NCAPG2: variants seen among roughly 807,000 people sequenced by gnomAD.
NCAPG2 encodes the protein non-SMC condensin II complex subunit G2.
Under a neutral mutation model 141.1 loss-of-function variants are expected in NCAPG2, and 53 were observed. The ratio of observed to expected loss-of-function variants is 0.38; its 90% CI spans 0.30 to 0.47. The LOEUF (loss-of-function observed/expected upper bound fraction) is 0.47. Ranked by LOEUF, NCAPG2 falls within the 20% of genes least tolerant of loss-of-function variation. The probability of loss-of-function intolerance (pLI) is 0.99; values close to 1 mark genes in which losing one functional copy is unlikely to be tolerated. For synonymous variants in NCAPG2, 499 were observed against 490.7 expected (o/e 1.02, Z -0.22); for missense variants, 1,087 against 1,389.0 (o/e 0.78, Z 3.46).
rs1350247201 is a variant in NCAPG2, at chr7:158,658,381, T to C, written c.2017A>G (p.Met673Val). 4 of 1,612,216 alleles carry C rather than the reference T, an allele frequency of 2.5e-6. No homozygotes were observed. The African/African-American group carries it at 4.0e-5, about 16-fold the overall frequency. The change falls in exon 17 of 28, where the codon ATG (methionine) becomes GTG (valine). Residue 673 changes from methionine to valine, a missense_variant. Transcript: ENST00000356309. ...GAGGCCGGCATAAAGGACATTAGCA[T>C]GAATAAAGGGATCTTGCAGCGATCA... ...KDDRCKIPLF[M>V]LMSFMPASAV...
At chr7:158,680,938 C>T in intron 9 of NCAPG2, 122 bp from the exon 10 acceptor site, 2 of 635,078 alleles carry the variant, frequency 3.1e-6, no homozygotes, top group Non-Finnish European at 5.2e-6. Flanking sequence ...CTCTGGCTGG[C>T]ATCCACATGT....
chr7:158,639,534 G>T (rs1321768268), intron 27 of NCAPG2, among the ~76,000 whole-genome samples: 1 of 152,214 alleles, frequency 6.6e-6, no homozygotes, highest in African/African-American at 2.4e-5. Context: ...AAGCCATTTT[G>T]TTAATAAATT....
intron 27 of NCAPG2, among the ~76,000 whole-genome samples, 173 bp downstream of exon 27, chr7:158,644,116 T>C (rs1209366757): frequency 6.6e-6 from 1 of 152,220 alleles, no homozygotes; most frequent in East Asian, 1.9e-4. Flanking sequence ...AATTAGCAAG[T>C]AAATTAAACG....
intron 12 of NCAPG2, among the ~76,000 whole-genome samples, chr7:158,673,260 T>C (rs1347583190): frequency 1.3e-5 from 2 of 152,142 alleles, no homozygotes; most frequent in African/African-American, 4.8e-5. Context: ...AATAAAACTC[T>C]TGGATGGCAG....
intron 12 of NCAPG2, 149 bp downstream of exon 12, chr7:158,675,328 T>C (rs1180182250): frequency 9.7e-6 from 9 of 927,286 alleles, no homozygotes; most frequent in Admixed American, 3.7e-5. Flanking sequence ...AATTTGGTTT[T>C]TAAAAACCTT....
intron 24 of NCAPG2, 139 bp from the exon 25 acceptor site, chr7:158,646,702 TG>T: frequency 1.7e-6 from 1 of 596,942 alleles, no homozygotes; most frequent in Non-Finnish European, 2.9e-6. Context: ...ACTGTTGAAA[TG>T]TCTACAATAA....
At chr7:158,677,295 C>T (rs1006743307) in intron 11 of NCAPG2, among the ~76,000 whole-genome samples, 2 of 151,836 alleles carry the variant, frequency 1.3e-5, no homozygotes, top group Admixed American at 6.6e-5. Flanking sequence ...ACTTGGGTAC[C>T]GAGGGGTCAC....
In NCAPG2 at chr7:158,633,116, A is replaced by G. The variant is rs1365552655; in HGVS notation, c.3381-1399T>C. Among the ~76,000 whole-genome samples the G allele has an allele frequency of 6.6e-6, 1 of 152,100 alleles. No individual in the cohort carries two copies. The highest frequency in any genetic ancestry group is 1.5e-5 in the Non-Finnish European group (1 of 68,012). On this transcript the variant is annotated intron_variant, in intron 27 of 27. Coordinates refer to ENST00000356309, the MANE Select transcript of NCAPG2 (RefSeq NM_017760.7). The surrounding 1 kb of genome is among the most constrained non-coding windows in gnomAD (Gnocchi z 4.1). ...TAGTGAAAGAAAAAAGGGAATCTGC[A>G]TATATTTCTTTAAGCTCTGGGGAAT...
chr7:158,657,422 G>C (rs1832067609), intron 17 of NCAPG2, among the ~76,000 whole-genome samples: 2 of 152,198 alleles, frequency 1.3e-5, no homozygotes, highest in South Asian at 4.1e-4. Flanking sequence ...CAGGTGCTAA[G>C]AGTAACCCCA....
rs762723847 is a variant in NCAPG2 at position 158,693,395 on chromosome 7, C to T, written c.181G>A (p.Val61Met). ...CCATCCACTGGGCTTTCTAACAACA[C>T]ATCTGTCAATAAATTCTTCAGCCTT... ...WQRLKNLLTD[V>M]LLESPVDGWQ... Residue 61 changes from valine (V) to methionine (M), a missense_variant, in exon 3 of 28, where the codon GTG becomes ATG. By Grantham distance (21) the Val-to-Met change is conservative. Transcript: ENST00000356309. 2.5e-6 allele frequency: 4 copies of T among 1,614,070 alleles called. No individual in the cohort carries two copies. Among genetic ancestry groups the T allele is most frequent in the Admixed American group, 1.7e-5 (1 of 60,012 alleles).
At chr7:158,658,298 A>G (rs1563522222) in intron 17 of NCAPG2, 40 bp downstream of exon 17, 3 of 1,549,664 alleles carry the variant, frequency 1.9e-6, no homozygotes, top group Non-Finnish European at 2.6e-6. Context: ...AATGGACAGG[A>G]TTCCTACTTT....
chr7:158,689,980 C>A, intron 5 of NCAPG2, 27 bp from the exon 6 acceptor site: 1 of 1,478,504 alleles, frequency 6.8e-7, no homozygotes, highest in Non-Finnish European at 9.0e-7. Flanking sequence ...AAATGTGATA[C>A]CTTTTTCAAT....
At chr7:158,657,402 C>G (rs1281268496) in intron 17 of NCAPG2, among the ~76,000 whole-genome samples, 1 of 152,234 alleles carries the variant, frequency 6.6e-6, no homozygotes, top group Non-Finnish European at 1.5e-5. Flanking sequence ...TGCTCCAGAA[C>G]CTCCCACACC....
chr7:158,683,083 T>C (rs1834538918), intron 9 of NCAPG2, among the ~76,000 whole-genome samples: 1 of 152,182 alleles, frequency 6.6e-6, no homozygotes, highest in Non-Finnish European at 1.5e-5. Flanking sequence ...TTAAGGTCAT[T>C]CAAATACAAT....
chr7:158,631,582 C>T lies in NCAPG2; in HGVS notation c.*84G>A. Reference sequence around the variant, plus strand: ...CTTTCCCTATTATATGGGTTATTAACATTAAAAACAATAGGAAAATACACA... The same window carrying T: ...CTTTCCCTATTATATGGGTTATTAATATTAAAAACAATAGGAAAATACACA... On this transcript the variant is annotated 3_prime_UTR_variant, in exon 28 of 28. Transcript: ENST00000356309. 1.6e-6 allele frequency: 2 copies of T among 1,267,224 alleles called. No homozygotes were observed. The highest frequency in any genetic ancestry group is 1.5e-5 in the African/African-American group (1 of 67,360). The allele number at this position is 1,267,224 out of a possible 1,614,324, so 78.5% of individuals were successfully genotyped here.
chr7:158,667,246 G>T, intron 13 of NCAPG2: 1 of 984,454 alleles, frequency 1.0e-6, no homozygotes, highest in Non-Finnish European at 1.2e-6. Flanking sequence ...AAACTTCCTG[G>T]TGGGCCAGAG....
intron 1 of NCAPG2, 45 bp downstream of exon 1, chr7:158,704,679 G>C (rs2129470088): frequency 6.6e-6 from 1 of 152,568 alleles, no homozygotes. Context: ...CTACTTCCCA[G>C]CCCCTGCTCT....
chr7:158,655,136 A>G lies in NCAPG2; in HGVS notation c.2628T>C (p.Ile876=). ...EEDYLKLHRV[I]YQQIIQTYLT... is the part of the protein sequence containing the mutation. ...TTCTAACCTGGATAATTTGCTGATA[A>G]ATGACCCTATGAAGCTTCAGGTAGT... Residue 876 remains isoleucine, a synonymous_variant, in exon 21 of 28, where the codon ATT becomes ATC. Coordinates refer to ENST00000356309, the MANE Select transcript of NCAPG2 (RefSeq NM_017760.7). 1 of 1,612,080 alleles carries G rather than the reference A, an allele frequency of 6.2e-7. No individual in the cohort carries two copies. The highest frequency in any genetic ancestry group is 1.3e-5 in the African/African-American group (1 of 74,842).
intron 23 of NCAPG2, among the ~76,000 whole-genome samples, 187 bp downstream of exon 23, chr7:158,652,106 T>A (rs1831534661): frequency 6.6e-6 from 1 of 152,142 alleles, no homozygotes; most frequent in Non-Finnish European, 1.5e-5. Flanking sequence ...CCTCTCAGTG[T>A]ATCCACCATG....
Sources: gnomAD v4.1 joint callset for allele counts (sites outside exome capture counted in the v4.1 genomes callset) on GRCh38, gnomAD v4.1.1 for gene constraint, Gnocchi (gnomAD v3.1) non-coding constraint, MANE v1.5 for transcripts, NCBI Gene and HGNC (gene_info 2026-07-23, HGNC 2026-07-21) for gene names.